PCDHAC2: variants seen among roughly 807,000 people sequenced by gnomAD.
PCDHAC2 encodes the protein protocadherin alpha-C2.
PCDHAC2 carries 24 observed loss-of-function variants against 63.3 expected under a neutral mutation model. That is an observed-to-expected ratio of 0.38 (90% CI 0.27 to 0.53). PCDHAC2 has a LOEUF of 0.53. Among genes scored for constraint, PCDHAC2 ranks in the 20% least tolerant of loss-of-function variants. PCDHAC2 has a pLI of 0.81. For synonymous variants in PCDHAC2, 569 were observed against 529.4 expected (o/e 1.07, Z -1.03); for missense variants, 1,181 against 1,275.2 (o/e 0.93, Z 1.12).
rs1554229079 is a variant in PCDHAC2 at position 140,967,029 on chromosome 5, G to C, written c.263G>C (p.Arg88Pro). ...RINHLGAPSP[R>P]YLELDLTSGA... ...AACCATCTGGGTGCGCCCAGTCCGC[G>C]CTACCTGGAGCTGGACCTGACGAGT... The change falls in exon 1 of 4, where the codon CGC becomes CCC. Residue 88 changes from arginine to proline, a missense_variant. Physicochemically the swap from Arg to Pro is moderately radical, Grantham distance 103. Around this residue, in one of 3 missense-constraint regions of PCDHAC2, gnomAD observed 210 missense variants for 184.9 expected, o/e 1.14. Transcript: ENST00000289269. 4 of 1,608,938 alleles carry C rather than the reference G, an allele frequency of 2.5e-6. No homozygotes were observed. Among genetic ancestry groups the C allele is most frequent in the East Asian group, 2.2e-5 (1 of 44,788 alleles).
At chr5:140,989,656 A>T (rs2153884121) in intron 3 of PCDHAC2, among the ~76,000 whole-genome samples, 1 of 152,326 alleles carries the variant, frequency 6.6e-6, no homozygotes, top group Non-Finnish European at 1.5e-5. Context: ...GCAATATTTT[A>T]AAAGAAACTC....
In PCDHAC2 at chr5:140,966,568, G is replaced by A. The variant is rs2096022635; in HGVS notation, c.-199G>A. The A allele has an allele frequency of 2.0e-6, 1 of 499,094 alleles. No homozygotes were observed. The highest frequency in any genetic ancestry group is 2.0e-5 in the African/African-American group (1 of 49,512). The allele number at this position is 499,094 out of a possible 1,614,324, so 30.9% of individuals were successfully genotyped here. A position where few individuals can be genotyped will look rare whatever the true frequency, so the allele number is the denominator to read the frequency against. On this transcript the variant is annotated 5_prime_UTR_variant, in exon 1 of 4. Transcript: ENST00000289269. ...AGGCGAGCGGAGGAGCTGGAATATG[G>A]GGAGTCAGCGAGGACGGTGGGGCCA...
rs1554262420 is a variant in PCDHAC2, at chr5:141,009,791, C to G, written c.2878C>G (p.Pro960Ala). ...TGCAATCATCTCCATCCGGCAGGAG[C>G]CTACTAACAGCCAAATTGACAAAAG... ...SPAIISIRQE[P>A]TNSQIDKSDF... The change falls in exon 4 of 4, where the codon CCT becomes GCT. Residue 960 changes from proline (P) to alanine (A), a missense_variant. Pro to Ala is a conservative substitution (Grantham distance 27). This residue lies in a region of PCDHAC2 where 968 missense variants were observed against 1,073.5 expected (regional missense o/e 0.90). Transcript: ENST00000289269. 1 of 1,614,084 alleles carries G rather than the reference C, an allele frequency of 6.2e-7. No individual in the cohort carries two copies. Among genetic ancestry groups the G allele is most frequent in the Admixed American group, 1.7e-5 (1 of 60,016 alleles).
rs1279359347 is a variant in PCDHAC2 at position 141,012,130 on chromosome 5, C to T, written c.*2193C>T. ...ACTGAAGCCCATGTATCTGACCTTA[C>T]GTGCCTTTTGAACTAGGAGAATCGG... On this transcript the variant is annotated 3_prime_UTR_variant, in exon 4 of 4. Coordinates refer to ENST00000289269, the MANE Select transcript of PCDHAC2 (RefSeq NM_018899.6). The T allele has an allele frequency of 2.0e-5, 3 of 153,796 alleles. No individual in the cohort carries two copies. The highest frequency in any genetic ancestry group is 1.9e-4 in the East Asian group (1 of 5,172). 9.5% of individuals were successfully genotyped at this position (153,796 alleles called of 1,614,324 possible). A position where few individuals can be genotyped will look rare whatever the true frequency, so the allele number is the denominator to read the frequency against.
chr5:140,984,359 T>A (rs1372089743), intron 3 of PCDHAC2, among the ~76,000 whole-genome samples: 1 of 152,242 alleles, frequency 6.6e-6, no homozygotes, highest in Non-Finnish European at 1.5e-5. Flanking sequence ...ATTTCATACA[T>A]CTGGCCAAGT....
At chr5:141,002,133 C>T (rs1172462824) in intron 3 of PCDHAC2, among the ~76,000 whole-genome samples, 2 of 152,248 alleles carry the variant, frequency 1.3e-5, no homozygotes, top group African/African-American at 4.8e-5. Context: ...ATAGCCTTTG[C>T]CGGCTGCACT....
At chr5:140,972,005 C>T (rs1236779874) in intron 1 of PCDHAC2, among the ~76,000 whole-genome samples, 1 of 151,980 alleles carries the variant, frequency 6.6e-6, no homozygotes, top group Admixed American at 6.6e-5. Flanking sequence ...GTTTATATTC[C>T]CTTTTATATG....
At chr5:141,005,228 C>G (rs974482410) in intron 3 of PCDHAC2, among the ~76,000 whole-genome samples, 11 of 152,182 alleles carry the variant, frequency 7.2e-5, no homozygotes, top group Admixed American at 2.0e-4. Flanking sequence ...TACTAAACAC[C>G]TGTTATGGGC....
At chr5:140,982,417 GA>G (rs1554244117) in intron 2 of PCDHAC2, 57 bp from the exon 3 acceptor site, 1 of 1,610,428 alleles carries the variant, frequency 6.2e-7, no homozygotes, top group African/African-American at 1.3e-5. Flanking sequence ...GAGGGTGGAA[GA>G]AGAGATGGGA....
At chr5:140,993,273 T>C (rs1212746492) in intron 3 of PCDHAC2, among the ~76,000 whole-genome samples, 1 of 152,176 alleles carries the variant, frequency 6.6e-6, no homozygotes, top group Non-Finnish European at 1.5e-5. Flanking sequence ...TTCTTTGGTC[T>C]TTTCTTGCCC....
Position 140,968,283 on chromosome 5 carries a change from A to G in PCDHAC2, c.1517A>G (p.Tyr506Cys). 1 of 1,613,726 alleles carries G rather than the reference A, an allele frequency of 6.2e-7. No individual in the cohort carries two copies. Among genetic ancestry groups the G allele is most frequent in the Non-Finnish European group, 8.5e-7 (1 of 1,179,858 alleles). ...PDEKENAEVT[Y>C]SLLEREIQGL... Reference sequence around the variant, plus strand: ...GAAAAGGAGAATGCAGAGGTGACCTACTCCCTTCTGGAGAGGGAGATTCAA... The same window carrying G: ...GAAAAGGAGAATGCAGAGGTGACCTGCTCCCTTCTGGAGAGGGAGATTCAA... The change falls in exon 1 of 4, where the codon TAC becomes TGC. Residue 506 changes from tyrosine (Y) to cysteine (C), a missense_variant. Tyr to Cys is a radical substitution (Grantham distance 194). This residue lies in a region of PCDHAC2 where 968 missense variants were observed against 1,073.5 expected (regional missense o/e 0.90). Transcript: ENST00000289269.
In PCDHAC2 at chr5:140,972,940, A is replaced by G. The variant is rs148421479; in HGVS notation, c.2565+3609A>G. The stretch of plus-strand genomic sequence containing the variant: ...GCCTCCCAAAGTGCTGGGATTACAG[A>G]TGTGAGCCACCATGCCCGGCAAAGG... On this transcript the variant is annotated intron_variant, in intron 1 of 3. Coordinates refer to ENST00000289269, the MANE Select transcript of PCDHAC2 (RefSeq NM_018899.6). Among the ~76,000 whole-genome samples the G allele has an allele frequency of 9.4e-3, 1,423 of 152,078 alleles. 26 individuals are homozygous for G. The highest frequency in any genetic ancestry group is 0.032 in the African/African-American group (1,334 of 41,472).
chr5:140,978,545 T>C (rs1478928718), intron 1 of PCDHAC2, among the ~76,000 whole-genome samples: 2 of 152,258 alleles, frequency 1.3e-5, no homozygotes, highest in Non-Finnish European at 2.9e-5. Context: ...TGTGTAGCCA[T>C]GTGCCCTGTT....
rs569740487 is a variant in PCDHAC2, at chr5:140,970,470, G to A, written c.2565+1139G>A. On this transcript the variant is annotated intron_variant, in intron 1 of 3. Transcript: ENST00000289269. Reference sequence around the variant, plus strand: ...AGTTTTGAGATTTAAGTAGGTATAAGGCCAGCTTGTTCATTATTATGAAGA... The same window carrying A: ...AGTTTTGAGATTTAAGTAGGTATAAAGCCAGCTTGTTCATTATTATGAAGA... Among the ~76,000 whole-genome samples the A allele has an allele frequency of 2.6e-5, 4 of 152,238 alleles. No homozygotes were observed. In the South Asian group the frequency reaches 8.3e-4, roughly 32 times the overall value.
chr5:140,976,395 T>G (rs973484895), intron 1 of PCDHAC2, among the ~76,000 whole-genome samples: 1 of 151,734 alleles, frequency 6.6e-6, no homozygotes, highest in Middle Eastern at 3.4e-3. Flanking sequence ...TACTAAAAAT[T>G]CAAAAATTAG....
At position 140,982,478 on chromosome 5, in the gene PCDHAC2, T is replaced by C; in HGVS notation, c.2628T>C (p.Ser876=). ...CTGGGTCTGTGTGTTTATTCAGCTCTGTGCACCTAGAGGAGGCTGGCATTC... is the reference window on the plus strand; with the variant it reads ...CTGGGTCTGTGTGTTTATTCAGCTCCGTGCACCTAGAGGAGGCTGGCATTC... ...SASLRAGMHS[S]VHLEEAGILR... Residue 876 remains serine (S), a synonymous_variant, in exon 3 of 4, where the codon TCT becomes TCC. Coordinates refer to ENST00000289269, the MANE Select transcript of PCDHAC2 (RefSeq NM_018899.6). 1 of 1,614,192 alleles carries C rather than the reference T, an allele frequency of 6.2e-7. No individual in the cohort carries two copies. The highest frequency in any genetic ancestry group is 2.2e-5 in the East Asian group (1 of 44,884).
chr5:140,991,885 A>G (rs1554252463), intron 3 of PCDHAC2, among the ~76,000 whole-genome samples: 1 of 152,198 alleles, frequency 6.6e-6, no homozygotes, highest in Non-Finnish European at 1.5e-5. Context: ...GGCTGCCATA[A>G]CAAATTAACA....
intron 3 of PCDHAC2, among the ~76,000 whole-genome samples, chr5:140,998,369 C>T (rs530777656): frequency 1.3e-5 from 2 of 152,210 alleles, no homozygotes; most frequent in South Asian, 2.1e-4. Context: ...CTGCACACAC[C>T]GTCTCTAGAA....
At chr5:141,001,971 G>C (rs1240624295) in intron 3 of PCDHAC2, among the ~76,000 whole-genome samples, 2 of 152,186 alleles carry the variant, frequency 1.3e-5, no homozygotes, top group Admixed American at 1.3e-4. Flanking sequence ...GGGTGTCTCT[G>C]CGCGGAAAGC....
Sources: allele counts gnomAD v4.1 joint callset (sites outside exome capture counted in the v4.1 genomes callset), GRCh38; gene constraint gnomAD v4.1.1; regional missense constraint gnomAD v4.1.1; transcripts MANE v1.5; gene names NCBI Gene and HGNC (gene_info 2026-07-23, HGNC 2026-07-21).